Variants in GNPAT observed in about 807,000 individuals in gnomAD.
The protein encoded by GNPAT is dihydroxyacetone phosphate acyltransferase.
GNPAT carries 30 observed loss-of-function variants against 78.4 expected under a neutral mutation model. The ratio of observed to expected loss-of-function variants is 0.38; its 90% CI spans 0.29 to 0.52. The LOEUF is 0.52. Among genes scored for constraint, GNPAT ranks in the 20% least tolerant of loss-of-function variants. The pLI is 0.84. For synonymous variants in GNPAT, 271 were observed against 281.1 expected (o/e 0.96, Z 0.36); for missense variants, 714 against 812.2 (o/e 0.88, Z 1.47).
At chr1:231,256,292 C>T (rs1028251872) in intron 2 of GNPAT, among the ~76,000 whole-genome samples, 1 of 151,434 alleles carries the variant, frequency 6.6e-6, no homozygotes, top group Non-Finnish European at 1.5e-5. Context: ...AACTCTTTAC[C>T]CCTCCCACCC....
intron 15 of GNPAT, 59 bp from the exon 16 acceptor site, chr1:231,277,440 G>C: frequency 9.9e-7 from 1 of 1,007,784 alleles, no homozygotes; most frequent in Non-Finnish European, 1.6e-6. Flanking sequence ...AGGAACAGCT[G>C]TATGAGGAAG....
chr1:231,273,133 G>C (rs1213282519), intron 11 of GNPAT, among the ~76,000 whole-genome samples: 2 of 152,170 alleles, frequency 1.3e-5, no homozygotes, highest in African/African-American at 4.8e-5. Context: ...CGCAGAGCTG[G>C]ACTGCTGCTG....
chr1:231,277,270 G>A (rs930479431), intron 15 of GNPAT, among the ~76,000 whole-genome samples: 12 of 152,172 alleles, frequency 7.9e-5, no homozygotes, highest in Admixed American at 2.0e-4. Flanking sequence ...AAAACATGAC[G>A]GGGTTCAACT....
chr1:231,267,130 A>G (rs775471886), intron 8 of GNPAT, among the ~76,000 whole-genome samples: 1 of 152,224 alleles, frequency 6.6e-6, no homozygotes, highest in Non-Finnish European at 1.5e-5. Context: ...TACTGGCTGC[A>G]TCTTTCACAT....
At position 231,274,066 on chromosome 1, in the gene GNPAT, T is replaced by A. The variant is rs1161332639; in HGVS notation, c.1743+4T>A. 1 of 1,612,876 alleles carries A rather than the reference T, an allele frequency of 6.2e-7. No individual in the cohort carries two copies. The highest frequency in any genetic ancestry group is 8.5e-7 in the Non-Finnish European group (1 of 1,179,016). ...ACCTTTTGTGGAAAGCTATCAGGTA[T>A]GTAAATTTGGCAAGTTCTCCTTCAT... On this transcript the variant is annotated splice_donor_region_variant and intron_variant, in intron 12 of 15. Transcript: ENST00000366647.
rs1372622574 is a variant in GNPAT at position 231,266,030 on chromosome 1, G to A, written c.789G>A (p.Val263=). Residue 263 remains valine, a synonymous_variant, in exon 7 of 16, where the codon GTG becomes GTA. Transcript: ENST00000366647. ...GTTTTGCAGGTCTTCTGAATATTGT[G>A]ATGGAGCCATTTTTTAAAAGAGAAG... ...LTPKFGLLNI[V]MEPFFKREVF... 2 of 1,612,388 alleles carry A rather than the reference G, an allele frequency of 1.2e-6. No individual in the cohort carries two copies. Among genetic ancestry groups the A allele is most frequent in the Non-Finnish European group, 1.7e-6 (2 of 1,179,188 alleles).
At chr1:231,268,293 C>T (rs995838913) in intron 9 of GNPAT, among the ~76,000 whole-genome samples, 9 of 152,028 alleles carry the variant, frequency 5.9e-5, no homozygotes. Context: ...CAGAGCGAGA[C>T]TCTGTCTCAA....
chr1:231,247,298 A>G (rs990967722), intron 1 of GNPAT, among the ~76,000 whole-genome samples: 1 of 152,158 alleles, frequency 6.6e-6, no homozygotes, highest in Non-Finnish European at 1.5e-5. Context: ...TTATTTTTTC[A>G]TTCTACAGTG....
At chr1:231,272,465 T>A in intron 11 of GNPAT, 74 bp downstream of exon 11, 1 of 831,140 alleles carries the variant, frequency 1.2e-6, no homozygotes, top group South Asian at 1.3e-5. Flanking sequence ...AATTCACAGA[T>A]GTGTCTCAGG....
chr1:231,268,678 C>T (rs891291485), intron 9 of GNPAT, among the ~76,000 whole-genome samples: 9 of 150,986 alleles, frequency 6.0e-5, no homozygotes, highest in African/African-American at 2.0e-4. Context: ...GAGGCTGAGG[C>T]GGGCGGATCA....
In GNPAT at chr1:231,250,994, A is replaced by G; in HGVS notation, c.112A>G (p.Ile38Val). 1 of 1,612,466 alleles carries G rather than the reference A, an allele frequency of 6.2e-7. No homozygotes were observed. Among genetic ancestry groups the G allele is most frequent in the Non-Finnish European group, 8.5e-7 (1 of 1,178,612 alleles). ...ELKKWDEFED[I>V]LEERRHVSDL... ...CAAAAAGTGGGATGAGTTTGAAGAT[A>G]TTTTAGAAGAGAGGAGGCATGTCAG... Residue 38 changes from isoleucine to valine, a missense_variant, in exon 2 of 16, where the codon ATT (isoleucine) becomes GTT (valine). Coordinates refer to ENST00000366647, the MANE Select transcript of GNPAT (RefSeq NM_014236.4).
At chr1:231,259,515 C>T (rs1486080271) in intron 2 of GNPAT, among the ~76,000 whole-genome samples, 1 of 151,978 alleles carries the variant, frequency 6.6e-6, no homozygotes, top group Non-Finnish European at 1.5e-5. Context: ...GGCATGGTGG[C>T]ACATGCCTGT....
intron 4 of GNPAT, among the ~76,000 whole-genome samples, chr1:231,264,548 A>G (rs1393413055): frequency 6.6e-6 from 1 of 152,240 alleles, no homozygotes; most frequent in Non-Finnish European, 1.5e-5. Context: ...GGTAAGGTTA[A>G]AACTGCCAAG....
rs1007406495 is a variant in GNPAT at position 231,259,942 on chromosome 1, A to T, written c.262-565A>T. On this transcript the variant is annotated intron_variant, in intron 2 of 15. Transcript: ENST00000366647. The stretch of plus-strand genomic sequence containing the variant: ...CCCTTGACAGTCCCAGCACACAGCA[A>T]ACATTTTATTTTCTTTACAAAAGAG... Among the ~76,000 whole-genome samples the T allele has an allele frequency of 3.9e-5, 6 of 152,362 alleles. No homozygotes were observed. In the East Asian group the frequency reaches 7.7e-4, roughly 20 times the overall value.
At chr1:231,255,287 A>G (rs1228783758) in intron 2 of GNPAT, among the ~76,000 whole-genome samples, 1 of 151,950 alleles carries the variant, frequency 6.6e-6, no homozygotes, top group African/African-American at 2.4e-5. Flanking sequence ...CTTCTTTATT[A>G]GCTCTTCTCC....
At chr1:231,267,595 C>A (rs145094413) in intron 8 of GNPAT, 85 bp from the exon 9 acceptor site, 204 of 842,084 alleles carry the variant, frequency 2.4e-4, no homozygotes, top group Non-Finnish European at 9.1e-5. Flanking sequence ...TATGAGAAGC[C>A]TTCTAAAACG....
At chr1:231,255,769 A>G (rs1260029024) in intron 2 of GNPAT, among the ~76,000 whole-genome samples, 1 of 151,608 alleles carries the variant, frequency 6.6e-6, no homozygotes, top group Non-Finnish European at 1.5e-5. Context: ...TTACCATCAC[A>G]CCTCCTCATC....
At position 231,241,420 on chromosome 1, in the gene GNPAT, C is replaced by G. The variant is rs746702840; in HGVS notation, c.42C>G (p.Gly14=). The change falls in exon 1 of 16, where the codon GGC becomes GGG. Residue 14 remains glycine (G), a synonymous_variant. Transcript: ENST00000366647. ...CATCTAACTCTTATTTCTCCGTTGG[C>G]CCAACCAGTCCCAGCGCTGTCGTGC... ...SSSSNSYFSV[G]PTSPSAVVLL... 14 of 1,613,756 alleles carry G rather than the reference C, an allele frequency of 8.7e-6. No individual in the cohort carries two copies. In the South Asian group the frequency reaches 1.4e-4, roughly 16 times the overall value.
chr1:231,274,144 C>A, intron 12 of GNPAT, 82 bp downstream of exon 12: 1 of 1,238,580 alleles, frequency 8.1e-7, no homozygotes, highest in Non-Finnish European at 1.2e-6. Context: ...TATTTCCAGT[C>A]TGAAGGGCAG....
Sources: gnomAD v4.1 joint callset for allele counts (sites outside exome capture counted in the v4.1 genomes callset) on GRCh38, gnomAD v4.1.1 for gene constraint, MANE v1.5 for transcripts, NCBI Gene and HGNC (gene_info 2026-07-23, HGNC 2026-07-21) for gene names.